XKR9: variants seen among roughly 807,000 people sequenced by gnomAD.
XKR9 encodes the protein XK-related protein 9.
In XKR9, 32 loss-of-function variants were observed where a neutral mutation model predicts 32.0. The observed-to-expected ratio is 1.00, with a 90% CI of 0.76 to 1.34. The LOEUF is 1.34. XKR9 is among the 40% of genes most tolerant of loss of function. The pLI is 0.00. For synonymous variants in XKR9, 168 were observed against 143.4 expected, an observed-to-expected ratio of 1.17 and a Z score of -1.22; for missense variants, 546 against 429.7, an observed-to-expected ratio of 1.27 and a Z score of -2.39.
the XKR9 span, among the ~76,000 whole-genome samples, chr8:70,917,158 C>T: frequency 6.6e-6 from 1 of 152,110 alleles, no homozygotes; most frequent in African/African-American, 2.4e-5. Flanking sequence ...AGGGCTTTTT[C>T]CTCCTCTTTC....
chr8:70,673,755 A>G (rs1236227765), intron 1 of XKR9, among the ~76,000 whole-genome samples: 1 of 151,044 alleles, frequency 6.6e-6, no homozygotes, highest in Non-Finnish European at 1.5e-5. Context: ...ACAGAGTGAG[A>G]CTCCATGTCA....
At chr8:70,929,963 A>C in the XKR9 span, among the ~76,000 whole-genome samples, 1 of 152,206 alleles carries the variant, frequency 6.6e-6, no homozygotes, top group African/African-American at 2.4e-5. Flanking sequence ...GCCATCTAGA[A>C]TTCTGCCCGT....
At chr8:70,865,917 A>G in the XKR9 span, among the ~76,000 whole-genome samples, 1 of 152,176 alleles carries the variant, frequency 6.6e-6, no homozygotes, top group East Asian at 1.9e-4. Flanking sequence ...TAGTAATGCT[A>G]ATTCGAGCAC....
chr8:71,045,453 CTTGGGGA>C, the XKR9 span, among the ~76,000 whole-genome samples: 13 of 152,150 alleles, frequency 8.5e-5, no homozygotes, highest in African/African-American at 3.1e-4. Flanking sequence ...TCTTATTTTT[CTTGGGGA>C]TTGTGCCAGA....
chr8:71,042,237 T>A, the XKR9 span, among the ~76,000 whole-genome samples: 1 of 152,158 alleles, frequency 6.6e-6, no homozygotes, highest in Non-Finnish European at 1.5e-5. Context: ...TCTAGCCATA[T>A]CTACCAAGGG....
At chr8:71,057,279 C>T in the XKR9 span, among the ~76,000 whole-genome samples, 1 of 152,178 alleles carries the variant, frequency 6.6e-6, no homozygotes, top group Admixed American at 6.5e-5. Flanking sequence ...TATGGATGAG[C>T]ATGTCATTTG....
At chr8:70,723,399 A>T (rs147252231) in intron 4 of XKR9, among the ~76,000 whole-genome samples, 8 of 152,058 alleles carry the variant, frequency 5.3e-5, no homozygotes, top group African/African-American at 1.9e-4. Context: ...GGCTTTTGGA[A>T]TTTTCAGCAT....
At chr8:70,814,210 G>T in the XKR9 span, among the ~76,000 whole-genome samples, 5,652 of 152,008 alleles carry the variant, frequency 0.037, 147 homozygotes, top group South Asian at 0.078. Flanking sequence ...ACCAAACACC[G>T]CATGTTGTCA....
chr8:70,903,564 T>A, the XKR9 span, among the ~76,000 whole-genome samples: 1 of 152,174 alleles, frequency 6.6e-6, no homozygotes, highest in Non-Finnish European at 1.5e-5. Flanking sequence ...GTCTATCAAT[T>A]TTGTTGATCT....
chr8:70,714,156 A>G (rs2132197553), intron 4 of XKR9, among the ~76,000 whole-genome samples: 1 of 152,228 alleles, frequency 6.6e-6, no homozygotes, highest in South Asian at 2.1e-4. Flanking sequence ...CACTAGTCCT[A>G]ATGGATTAGG....
At chr8:70,960,834 C>T in the XKR9 span, among the ~76,000 whole-genome samples, 4 of 150,596 alleles carry the variant, frequency 2.7e-5, no homozygotes, top group Admixed American at 6.6e-5. Context: ...ATTGGCCCAC[C>T]GTACTTCAGC....
At chr8:70,739,979 G>T (rs1463097777), downstream of XKR9, among the ~76,000 whole-genome samples, 1 of 152,086 alleles carries the variant, frequency 6.6e-6, no homozygotes, top group Non-Finnish European at 1.5e-5. Flanking sequence ...TATCTTTGTG[G>T]CGTTCTCTGT....
chr8:70,886,732 T>C, the XKR9 span, among the ~76,000 whole-genome samples: 7 of 151,110 alleles, frequency 4.6e-5, no homozygotes, highest in African/African-American at 1.5e-4. Context: ...CACTTTTTGA[T>C]GTTTTTTTTT....
intron 2 of XKR9, among the ~76,000 whole-genome samples, chr8:70,749,116 C>T (rs1194949080): frequency 6.6e-6 from 1 of 152,234 alleles, no homozygotes; most frequent in African/African-American, 2.4e-5. Flanking sequence ...AAAGGAGTGA[C>T]CCACTTCAGG....
chr8:71,000,355 A>C, the XKR9 span, among the ~76,000 whole-genome samples: 1 of 152,222 alleles, frequency 6.6e-6, no homozygotes. Flanking sequence ...AGGGTTATGT[A>C]GTGAGCCACT....
At chr8:70,849,534 C>T in the XKR9 span, among the ~76,000 whole-genome samples, 1 of 151,988 alleles carries the variant, frequency 6.6e-6, no homozygotes, top group Non-Finnish European at 1.5e-5. Flanking sequence ...AAATCGACAC[C>T]CTAATATCAC....
downstream of XKR9, among the ~76,000 whole-genome samples, chr8:70,738,563 G>T (rs1053085046): frequency 2.0e-5 from 3 of 150,894 alleles, no homozygotes; most frequent in African/African-American, 7.3e-5. Flanking sequence ...TGTGATGTTA[G>T]GGTGTCAATT....
downstream of XKR9, among the ~76,000 whole-genome samples, chr8:70,792,201 A>C (rs1807772680): frequency 6.6e-6 from 1 of 152,156 alleles, no homozygotes; most frequent in African/African-American, 2.4e-5. Context: ...TAACACTAAT[A>C]GACTCTTTTT....
chr8:70,947,436 T>C, the XKR9 span, among the ~76,000 whole-genome samples: 1 of 152,234 alleles, frequency 6.6e-6, no homozygotes, highest in Non-Finnish European at 1.5e-5. Flanking sequence ...AGGGACATTT[T>C]ATAAACTCTC....
Sources: gnomAD v4.1 joint callset for allele counts (sites outside exome capture counted in the v4.1 genomes callset) on GRCh38, gnomAD v4.1.1 for gene constraint, MANE v1.5 for transcripts, NCBI Gene and HGNC (gene_info 2026-07-23, HGNC 2026-07-21) for gene names.